The following LDB2 variants were observed in gnomAD, a reference collection of about 807,000 sequenced individuals.
The protein encoded by LDB2 is LIM domain binding 2, also known as LIM domain-binding protein 2.
Under a neutral mutation model 44.3 loss-of-function variants are expected in LDB2, and 12 were observed. That is an observed-to-expected ratio of 0.27 (90% CI 0.17 to 0.44). LDB2 has a LOEUF of 0.44. Ranked by LOEUF, LDB2 falls within the 20% of genes least tolerant of loss-of-function variation. The pLI, the probability that LDB2 is intolerant of heterozygous loss-of-function variation, is 1.00. For missense variants in LDB2, 344 were observed against 473.5 expected (o/e 0.73, Z 2.54); for synonymous variants, 164 against 174.8 (o/e 0.94, Z 0.49).
At chr4:16,706,238 T>C (rs1461596218) in intron 2 of LDB2, among the ~76,000 whole-genome samples, 1 of 152,136 alleles carries the variant, frequency 6.6e-6, no homozygotes, top group Non-Finnish European at 1.5e-5. Context: ...TATGAGGAAG[T>C]CCTAACCTTC....
At chr4:16,868,008 G>C (rs2110320582) in intron 1 of LDB2, among the ~76,000 whole-genome samples, 1 of 152,178 alleles carries the variant, frequency 6.6e-6, no homozygotes, top group South Asian at 2.1e-4. Context: ...AATTACCAAA[G>C]CCCAGAAAGA....
Position 16,592,485 on chromosome 4 carries a change from T to C in LDB2, c.408+3218A>G, listed in dbSNP as rs868346974. On this transcript the variant is annotated intron_variant, in intron 3 of 7. Transcript: ENST00000304523. ...ACATACATATATATATATATATATA[T>C]ATATATATATATATATATATACACA... is the stretch of plus-strand genomic sequence containing the variant. Among the ~76,000 whole-genome samples the C allele has an allele frequency of 7.5e-5, 10 of 133,384 alleles. 1 individual carries two copies. The highest frequency in any genetic ancestry group is 2.5e-4 in the African/African-American group (9 of 36,084). The allele number at this position is 133,384 out of a possible 152,430, so 87.5% of individuals were successfully genotyped here.
At chr4:16,877,881 C>T (rs1718900746) in intron 1 of LDB2, among the ~76,000 whole-genome samples, 1 of 152,074 alleles carries the variant, frequency 6.6e-6, no homozygotes, top group Admixed American at 6.6e-5. Flanking sequence ...AAAAGGAAGA[C>T]AAACCAATCA....
At chr4:16,824,483 G>A (rs1394532301) in intron 1 of LDB2, among the ~76,000 whole-genome samples, 1 of 152,196 alleles carries the variant, frequency 6.6e-6, no homozygotes, top group East Asian at 1.9e-4. Context: ...GTAGTACTAT[G>A]TGCTGAGACC....
At chr4:16,796,050 G>T (rs1445238115) in intron 1 of LDB2, among the ~76,000 whole-genome samples, 12 of 152,124 alleles carry the variant, frequency 7.9e-5, no homozygotes, top group Admixed American at 7.2e-4. Context: ...CCAGCACTTT[G>T]GGAGGCTGAG....
intron 2 of LDB2, among the ~76,000 whole-genome samples, chr4:16,611,165 T>C (rs1389350505): frequency 1.3e-5 from 2 of 152,148 alleles, no homozygotes; most frequent in African/African-American, 2.4e-5. Context: ...AAGCAAATGC[T>C]GAGGGATTTC....
rs558546241 is a variant in LDB2, at chr4:16,776,096, A to T, written c.133-16836T>A. On this transcript the variant is annotated intron_variant, in intron 1 of 7. Coordinates refer to ENST00000304523, the MANE Select transcript of LDB2 (RefSeq NM_001290.5). ...CAGAACTTTTCGCTTTCCCCCTTCC[A>T]TCTCCCTGGGAGTCAGGAAACTGGG... 1.3e-3 allele frequency among the ~76,000 whole-genome samples: 200 copies of T among 152,156 alleles called. 1 individual carries two copies. Among genetic ancestry groups the T allele is most frequent in the African/African-American group, 4.6e-3 (190 of 41,526 alleles).
chr4:16,766,179 T>A (rs150387006), intron 1 of LDB2, among the ~76,000 whole-genome samples: 2,022 of 152,224 alleles, frequency 0.013, 49 homozygotes, highest in African/African-American at 0.045. Flanking sequence ...CAGACCTCCA[T>A]AAATAACTGT....
chr4:16,712,704 C>G (rs1756182230), intron 2 of LDB2, among the ~76,000 whole-genome samples: 1 of 152,154 alleles, frequency 6.6e-6, no homozygotes, highest in African/African-American at 2.4e-5. Flanking sequence ...ATCATACAAT[C>G]ACAACTACTG....
chr4:16,858,391 C>T (rs930887925), intron 1 of LDB2, among the ~76,000 whole-genome samples: 2 of 152,190 alleles, frequency 1.3e-5, no homozygotes, highest in Non-Finnish European at 2.9e-5. Context: ...AAGAATTCCC[C>T]CTGCAACTAG....
At chr4:16,744,766 G>A (rs1246896102) in intron 2 of LDB2, among the ~76,000 whole-genome samples, 9 of 152,150 alleles carry the variant, frequency 5.9e-5, no homozygotes, top group African/African-American at 9.7e-5. Flanking sequence ...CTGAGACACC[G>A]CGCCCAGCCA....
chr4:16,894,148 T>A lies in LDB2; in HGVS notation c.132+4206A>T, dbSNP rs966920030. On this transcript the variant is annotated intron_variant, in intron 1 of 7. Transcript: ENST00000304523. ...CTTCAGAACATATTTTTATATCCTA[T>A]CTGACTGTATTGTGTGTACAGTGTT... 3.9e-5 allele frequency among the ~76,000 whole-genome samples: 6 copies of A among 152,184 alleles called. No homozygotes were observed. The East Asian group carries it at 1.2e-3, about 29-fold the overall frequency.
In LDB2 at chr4:16,502,505, T is replaced by C. The variant is rs901767446; in HGVS notation, c.*138A>G. 3.2e-5 allele frequency: 38 copies of C among 1,189,980 alleles called. No individual in the cohort carries two copies. The Admixed American group carries it at 8.1e-4, about 25-fold the overall frequency. 73.7% of individuals were successfully genotyped at this position (1,189,980 alleles called of 1,614,324 possible). A position where few individuals can be genotyped will look rare whatever the true frequency, so the allele number is the denominator to read the frequency against. ...AGAAAAAAAGAAAGAAGAAAGAAAA[T>C]CAGATCATTGTGGTTTAGAAATAGA... On this transcript the variant is annotated 3_prime_UTR_variant, in exon 8 of 8. Transcript: ENST00000304523.
At chr4:16,507,469 C>A (rs557623051) in intron 7 of LDB2, among the ~76,000 whole-genome samples, 2 of 151,972 alleles carry the variant, frequency 1.3e-5, no homozygotes, top group Non-Finnish European at 2.9e-5. Context: ...CGAAGGTCCA[C>A]TCGCACATGG....
intron 5 of LDB2, among the ~76,000 whole-genome samples, chr4:16,565,981 TAC>T (rs891728829): frequency 1.5e-4 from 23 of 151,784 alleles, no homozygotes; most frequent in African/African-American, 5.3e-4. Flanking sequence ...TACACACATA[TAC>T]ACACACACAA....
intron 2 of LDB2, among the ~76,000 whole-genome samples, chr4:16,637,542 C>T (rs1733958910): frequency 1.3e-5 from 2 of 151,942 alleles, no homozygotes; most frequent in South Asian, 4.2e-4. Context: ...CCCATCTGTC[C>T]TCTTGGGGTT....
chr4:16,635,014 C>T (rs1355753394), intron 2 of LDB2, among the ~76,000 whole-genome samples: 1 of 152,110 alleles, frequency 6.6e-6, no homozygotes, highest in Non-Finnish European at 1.5e-5. Flanking sequence ...AGCTGGAAAC[C>T]ATCATTCTCA....
chr4:16,548,999 G>C (rs1429032952), intron 5 of LDB2, among the ~76,000 whole-genome samples: 1 of 152,226 alleles, frequency 6.6e-6, no homozygotes, highest in African/African-American at 2.4e-5. Flanking sequence ...TATATGATTA[G>C]GAGGTATTGG....
rs911286913 is a variant in LDB2, at chr4:16,533,212, C to T, written c.616-21108G>A. Among the ~76,000 whole-genome samples the T allele has an allele frequency of 1.1e-4, 17 of 152,060 alleles. No individual in the cohort carries two copies. Among genetic ancestry groups the T allele is most frequent in the African/African-American group, 4.1e-4 (17 of 41,390 alleles). On this transcript the variant is annotated intron_variant, in intron 5 of 7. Coordinates refer to ENST00000304523, the MANE Select transcript of LDB2 (RefSeq NM_001290.5). The surrounding 1 kb of genome is among the most constrained non-coding windows in gnomAD (Gnocchi z 4.1). ...AAGGGACTTGGCTTTAGAGACAGAC[C>T]CAGGTTCAAATCCCAGCCAGGTCCT... is the stretch of plus-strand genomic sequence containing the variant.
Sources: gnomAD v4.1 joint callset for allele counts (sites outside exome capture counted in the v4.1 genomes callset) on GRCh38, gnomAD v4.1.1 for gene constraint, Gnocchi (gnomAD v3.1) non-coding constraint, MANE v1.5 for transcripts, NCBI Gene and HGNC (gene_info 2026-07-23, HGNC 2026-07-21) for gene names.